Variants in ZNF529 observed in about 807,000 individuals in gnomAD.
ZNF529 encodes zinc finger protein 529.
In ZNF529, 11 loss-of-function variants were observed where a neutral mutation model predicts 10.1. That is an observed-to-expected ratio of 1.09 (90% CI 0.69 to 1.81). The LOEUF (loss-of-function observed/expected upper bound fraction) is 1.81. Ranked by LOEUF, ZNF529 falls within the 40% of genes most tolerant of loss-of-function variation. ZNF529 has a pLI of 0.00. For synonymous variants in ZNF529, 204 were observed against 215.7 expected (o/e 0.95, Z 0.47); for missense variants, 624 against 666.8 (o/e 0.94, Z 0.71).
At chr19:36,605,405 G>C (rs142266051), upstream of ZNF529, 350 of 152,802 alleles carry the variant, frequency 2.3e-3, 1 homozygote, top group South Asian at 0.011. Flanking sequence ...CGTTCCGGGA[G>C]AGCTGTCTAA....
intron 3 of ZNF529, among the ~76,000 whole-genome samples, chr19:36,555,047 A>G (rs900073020): frequency 1.3e-5 from 2 of 152,210 alleles, no homozygotes; most frequent in African/African-American, 4.8e-5. Context: ...CTGGAAATTA[A>G]TAACCAGTTT....
At chr19:36,603,278 G>A (rs1227938899) in intron 1 of ZNF529, among the ~76,000 whole-genome samples, 1 of 152,136 alleles carries the variant, frequency 6.6e-6, no homozygotes, top group Non-Finnish European at 1.5e-5. Flanking sequence ...TAAACAAAAA[G>A]AGCACACAGG....
chr19:36,566,906 G>C (rs1010725124), intron 2 of ZNF529, among the ~76,000 whole-genome samples: 1 of 151,806 alleles, frequency 6.6e-6, no homozygotes, highest in African/African-American at 2.4e-5. Context: ...TGTAGTCTCA[G>C]CTACTTGGGA....
Position 36,547,918 on chromosome 19 carries a change from T to C in ZNF529, c.640A>G (p.Ser214Gly), listed in dbSNP as rs1660263092. Residue 214 changes from serine (S) to glycine (G), a missense_variant, in exon 5 of 5, where the codon AGT (serine) becomes GGT (glycine). By Grantham distance (56) the Ser-to-Gly change is moderately conservative. Coordinates refer to ENST00000591340, the MANE Select transcript of ZNF529 (RefSeq NM_020951.5). ...CWKTFGIDNS[S>G]MLQLNIHTGV... Reference sequence around the variant, plus strand: ...GTATGAATATTCAGTTGTAACATACTGGAGTTATCTATCCCAAAGGTTTTC... The same window carrying C: ...GTATGAATATTCAGTTGTAACATACCGGAGTTATCTATCCCAAAGGTTTTC... 1.2e-6 allele frequency: 2 copies of C among 1,612,888 alleles called. No homozygotes were observed. The highest frequency in any genetic ancestry group is 1.7e-6 in the Non-Finnish European group (2 of 1,179,456).
intron 2 of ZNF529, among the ~76,000 whole-genome samples, chr19:36,578,507 G>A (rs531120447): frequency 9.3e-5 from 14 of 151,018 alleles, no homozygotes; most frequent in African/African-American, 2.7e-4. Flanking sequence ...GGGTTTCACC[G>A]TGTTAGCCAG....
intron 1 of ZNF529, among the ~76,000 whole-genome samples, chr19:36,596,806 C>T (rs1479580261): frequency 6.6e-6 from 1 of 152,130 alleles, no homozygotes; most frequent in Non-Finnish European, 1.5e-5. Context: ...AGATGTGAGA[C>T]CCCACGCCCA....
At chr19:36,549,537 TTAG>T (rs2035181833) in intron 4 of ZNF529, among the ~76,000 whole-genome samples, 1 of 152,222 alleles carries the variant, frequency 6.6e-6, no homozygotes, top group Non-Finnish European at 1.5e-5. Flanking sequence ...TCACATTGTA[TTAG>T]TGATTACATA....
chr19:36,575,715 C>T (rs997677694), upstream of ZNF529, among the ~76,000 whole-genome samples: 1 of 152,004 alleles, frequency 6.6e-6, no homozygotes, highest in Non-Finnish European at 1.5e-5. Context: ...CTTCCCCAAC[C>T]GGTATTACTA....
rs576070132 is a variant in ZNF529 at position 36,561,564 on chromosome 19, G to C, written c.15-5367C>G. On this transcript the variant is annotated intron_variant, in intron 2 of 4. Coordinates refer to ENST00000591340, the MANE Select transcript of ZNF529 (RefSeq NM_020951.5). ...TGGAGAGCCTCAGGGCCTAGACAGA[G>C]ACCTACTACAGAGGCAGAGCCACTG... Among the ~76,000 whole-genome samples, 3 of 152,138 alleles carry C rather than the reference G, an allele frequency of 2.0e-5. No individual in the cohort carries two copies. In the South Asian group the frequency reaches 6.2e-4, roughly 32 times the overall value.
rs556535239 is a variant in ZNF529, at chr19:36,554,856, A to T, written c.109-60T>A. ...TTAAGGAAATATTTTTGAGAAAAAGACAAGAGGAATTGCCTTATAGCAAGG... is the reference window on the plus strand; with the variant it reads ...TTAAGGAAATATTTTTGAGAAAAAGTCAAGAGGAATTGCCTTATAGCAAGG... On this transcript the variant is annotated intron_variant, in intron 3 of 4. Coordinates refer to ENST00000591340, the MANE Select transcript of ZNF529 (RefSeq NM_020951.5). 57 of 1,433,662 alleles carry T rather than the reference A, an allele frequency of 4.0e-5. No individual in the cohort carries two copies. The South Asian group carries it at 6.8e-4, about 17-fold the overall frequency. 88.8% of individuals were successfully genotyped at this position (1,433,662 alleles called of 1,614,324 possible).
intron 1 of ZNF529, among the ~76,000 whole-genome samples, chr19:36,604,070 C>T (rs764861690): frequency 6.6e-6 from 1 of 152,152 alleles, no homozygotes; most frequent in Non-Finnish European, 1.5e-5. Context: ...ATCCCAGCTA[C>T]TCGGGAGGCT....
chr19:36,573,924 G>C (rs1355005138), upstream of ZNF529, among the ~76,000 whole-genome samples: 3 of 152,220 alleles, frequency 2.0e-5, no homozygotes, highest in Non-Finnish European at 4.4e-5. Context: ...AGGGTGACTT[G>C]GAGTTTTTGT....
rs375236315 is a variant in ZNF529 at position 36,546,763 on chromosome 19, CT to C, written c.*102del. Reference sequence around the variant, plus strand: ...AATGACCATGAAGTCTAAAAACAGACTTTAAGAGAGGGAGATACTGAATTGC... The same window carrying C: ...AATGACCATGAAGTCTAAAAACAGACTTAAGAGAGGGAGATACTGAATTGC... On this transcript the variant is annotated 3_prime_UTR_variant, in exon 5 of 5. Transcript: ENST00000591340. 14 of 1,277,274 alleles carry C rather than the reference CT, an allele frequency of 1.1e-5. No homozygotes were observed. Among genetic ancestry groups the C allele is most frequent in the African/African-American group, 6.0e-5 (4 of 66,882 alleles). 79.1% of individuals were successfully genotyped at this position (1,277,274 alleles called of 1,614,324 possible).
At position 36,547,172 on chromosome 19, in the gene ZNF529, C is replaced by T. The variant is rs755968227; in HGVS notation, c.1386G>A (p.Thr462=). ...TTCTTTGATGTTGAATAAGGGCTGACGTAAGTCTAAAGAACTTTCCACACT... is the reference window on the plus strand; with the variant it reads ...TTCTTTGATGTTGAATAAGGGCTGATGTAAGTCTAAAGAACTTTCCACACT... ...CKECGKFFRL[T]SALIQHQRIH... is the part of the protein sequence containing the mutation. The change falls in exon 5 of 5, where the codon ACG becomes ACA. Residue 462 remains threonine (T), a synonymous_variant. Coordinates refer to ENST00000591340, the MANE Select transcript of ZNF529 (RefSeq NM_020951.5). 5.0e-6 allele frequency: 8 copies of T among 1,611,754 alleles called. No individual in the cohort carries two copies. Among genetic ancestry groups the T allele is most frequent in the East Asian group, 2.2e-5 (1 of 44,674 alleles).
chr19:36,584,852 G>C (rs1451615953), intron 2 of ZNF529, among the ~76,000 whole-genome samples: 1 of 151,878 alleles, frequency 6.6e-6, no homozygotes, highest in Non-Finnish European at 1.5e-5. Flanking sequence ...TAGTCATTAA[G>C]TCAAAGATGC....
Position 36,547,744 on chromosome 19 carries a change from G to A in ZNF529, c.814C>T (p.Leu272Phe). The part of the protein sequence containing the change: ...TFERVGKVTP[L>F]QRVHDGEKHF... ...TTCTCACCATCATGAACTCTTTGAA[G>A]TGGAGTAACTTTTCCAACTCTTTCA... The change falls in exon 5 of 5, where the codon CTT (leucine) becomes TTT (phenylalanine). Residue 272 changes from leucine (L) to phenylalanine (F), a missense_variant. By Grantham distance (22) the Leu-to-Phe change is conservative (BLOSUM62 0). Transcript: ENST00000591340. 1 of 1,613,680 alleles carries A rather than the reference G, an allele frequency of 6.2e-7. No individual in the cohort carries two copies.
rs2035129934 is a variant in ZNF529 at position 36,548,309 on chromosome 19, C to A, written c.249G>T (p.Arg83Ser). ...SNLLSLDLES[R>S]NETKHLSVGK... is the part of the protein sequence containing the mutation. ...CTACAGATAAATGCTTAGTCTCATTCCTGGACTCCAAATCTGAAAGAAAGG... is the reference window on the plus strand; with the variant it reads ...CTACAGATAAATGCTTAGTCTCATTACTGGACTCCAAATCTGAAAGAAAGG... Residue 83 changes from arginine (R) to serine (S), a missense_variant, in exon 5 of 5, where the codon AGG becomes AGT. Arg to Ser is a moderately radical substitution (Grantham distance 110). Coordinates refer to ENST00000591340, the MANE Select transcript of ZNF529 (RefSeq NM_020951.5). The A allele has an allele frequency of 6.4e-7, 1 of 1,555,582 alleles. No homozygotes were observed. The highest frequency in any genetic ancestry group is 8.7e-7 in the Non-Finnish European group (1 of 1,151,366).
chr19:36,599,996 G>A (rs968374884), intron 1 of ZNF529, among the ~76,000 whole-genome samples: 1 of 152,012 alleles, frequency 6.6e-6, no homozygotes, highest in Non-Finnish European at 1.5e-5. Flanking sequence ...AGCCTCCCGA[G>A]TAGCTGGGAT....
rs370950090 is a variant in ZNF529, at chr19:36,548,039, G to A, written c.519C>T (p.Tyr173=). The A allele has an allele frequency of 1.7e-4, 282 of 1,613,840 alleles. No homozygotes were observed. The African/African-American group carries it at 3.4e-3, about 19-fold the overall frequency. The change falls in exon 5 of 5, where the codon TAC becomes TAT. Residue 173 remains tyrosine, a synonymous_variant. Transcript: ENST00000591340. ...AACTGAAGACCTTCTCATATTCCTT[G>A]TATTCATAGGGCTTCTCACTGTCAT... is the stretch of plus-strand genomic sequence containing the variant. The part of the protein sequence containing the change: ...RTHDSEKPYE[Y]KEYEKVFSCD...
Sources: gnomAD v4.1 joint callset for allele counts (sites outside exome capture counted in the v4.1 genomes callset) on GRCh38, gnomAD v4.1.1 for gene constraint, MANE v1.5 for transcripts, NCBI Gene and HGNC (gene_info 2026-07-23, HGNC 2026-07-21) for gene names.